The following KIZ variants were observed in gnomAD, a reference collection of about 807,000 sequenced individuals.
The protein encoded by KIZ is kizuna centrosomal protein, also known as centrosomal protein kizuna.
KIZ carries 68 observed loss-of-function variants against 79.6 expected under a neutral mutation model. That is an observed-to-expected ratio of 0.85 (90% CI 0.70 to 1.05). KIZ has a LOEUF of 1.05. KIZ is among the 50% of genes least tolerant of loss of function. The pLI is 0.00. For synonymous variants in KIZ, 280 were observed against 281.8 expected, an observed-to-expected ratio of 0.99 and a Z score of 0.06; for missense variants, 797 against 800.4, an observed-to-expected ratio of 1.00 and a Z score of 0.05.
intron 9 of KIZ, among the ~76,000 whole-genome samples, 156 bp from the exon 10 acceptor site, chr20:21,228,855 G>A (rs1414558682): frequency 6.6e-6 from 1 of 152,024 alleles, no homozygotes; most frequent in African/African-American, 2.4e-5. Context: ...CAACTAAATT[G>A]TTTTTTGTTT....
intron 6 of KIZ, 71 bp downstream of exon 6, chr20:21,163,230 G>C (rs2122707355): frequency 9.6e-7 from 1 of 1,039,208 alleles, no homozygotes; most frequent in Middle Eastern, 2.1e-4. Context: ...CCATTCCACT[G>C]GGAATGTATT....
intron 6 of KIZ, among the ~76,000 whole-genome samples, chr20:21,171,077 T>C (rs1361125883): frequency 6.6e-6 from 1 of 152,260 alleles, no homozygotes; most frequent in African/African-American, 2.4e-5. Context: ...AGAGTTCTTG[T>C]TCTACATCTT....
chr20:21,176,047 C>T (rs1439672332), intron 6 of KIZ, among the ~76,000 whole-genome samples: 1 of 152,032 alleles, frequency 6.6e-6, no homozygotes, highest in Admixed American at 6.6e-5. Flanking sequence ...CGGTGGCTCA[C>T]GCCTATAATC....
chr20:21,134,833 A>G (rs2032084105), intron 2 of KIZ, among the ~76,000 whole-genome samples: 2 of 151,514 alleles, frequency 1.3e-5, no homozygotes, highest in South Asian at 4.2e-4. Flanking sequence ...CACCCGGCTA[A>G]TTTTTGTATT....
intron 8 of KIZ, 70 bp from the exon 9 acceptor site, chr20:21,215,513 G>T (rs2036250109): frequency 1.2e-6 from 1 of 847,858 alleles, no homozygotes; most frequent in Non-Finnish European, 1.8e-6. Flanking sequence ...ATAAAGGGAA[G>T]GACAAACACC....
At chr20:21,203,249 G>A (rs760354679) in intron 6 of KIZ, among the ~76,000 whole-genome samples, 13 of 152,094 alleles carry the variant, frequency 8.5e-5, no homozygotes, top group Non-Finnish European at 1.8e-4. Context: ...TGGAGGAATT[G>A]GGTCACTTAC....
chr20:21,190,610 A>G (rs1032276030), intron 6 of KIZ, among the ~76,000 whole-genome samples: 1 of 152,306 alleles, frequency 6.6e-6, no homozygotes. Flanking sequence ...GCTTTGGTTC[A>G]TTAGTTATAT....
intron 9 of KIZ, chr20:21,218,482 A>G (rs1357154707): frequency 6.6e-6 from 1 of 152,218 alleles, no homozygotes. Context: ...ATTAATACAT[A>G]TTTTGTTGCC....
intron 7 of KIZ, among the ~76,000 whole-genome samples, chr20:21,213,343 T>G: frequency 6.6e-6 from 1 of 152,376 alleles, no homozygotes; most frequent in East Asian, 1.9e-4. Flanking sequence ...CCTTGTTTCA[T>G]GTTAATCACA....
At chr20:21,227,032 C>G (rs2036679064) in intron 9 of KIZ, among the ~76,000 whole-genome samples, 1 of 152,168 alleles carries the variant, frequency 6.6e-6, no homozygotes, top group Admixed American at 6.5e-5. Context: ...AAGTGTGGAG[C>G]ATAGAAAGGG....
At chr20:21,149,290 A>G (rs773320323) in intron 4 of KIZ, among the ~76,000 whole-genome samples, 93 of 152,320 alleles carry the variant, frequency 6.1e-4, no homozygotes, top group Non-Finnish European at 3.1e-4. Flanking sequence ...AAATAAAAAC[A>G]ACTTTAAATA....
intron 7 of KIZ, among the ~76,000 whole-genome samples, chr20:21,210,720 A>G (rs911519973): frequency 2.0e-5 from 3 of 152,014 alleles, no homozygotes; most frequent in African/African-American, 7.2e-5. Context: ...ATGGATGAAA[A>G]TAACATTTCT....
chr20:21,190,784 A>G (rs1282482603), intron 6 of KIZ, among the ~76,000 whole-genome samples: 1 of 152,250 alleles, frequency 6.6e-6, no homozygotes, highest in East Asian at 1.9e-4. Context: ...AGAACGTGAT[A>G]GTTTTAAAAG....
chr20:21,198,890 A>G (rs1267417166), intron 6 of KIZ: 2 of 152,548 alleles, frequency 1.3e-5, no homozygotes, highest in African/African-American at 2.4e-5. Context: ...ATAATCCTTT[A>G]CAACGTAGTG....
At chr20:21,166,141 ATT>A in intron 6 of KIZ, 2 of 909,870 alleles carry the variant, frequency 2.2e-6, no homozygotes, top group Non-Finnish European at 3.3e-6. Flanking sequence ...TAATTTTTGT[ATT>A]TTGTATTTTT....
At chr20:21,227,029 G>A (rs1352910073) in intron 9 of KIZ, among the ~76,000 whole-genome samples, 1 of 152,186 alleles carries the variant, frequency 6.6e-6, no homozygotes, top group Non-Finnish European at 1.5e-5. Flanking sequence ...GGAAAGTGTG[G>A]AGCATAGAAA....
intron 1 of KIZ, among the ~76,000 whole-genome samples, chr20:21,127,917 A>G (rs2031585649): frequency 6.6e-6 from 1 of 152,244 alleles, no homozygotes. Flanking sequence ...TAAAGTAAAA[A>G]AAGAAAAAAA....
intron 11 of KIZ, among the ~76,000 whole-genome samples, chr20:21,233,960 A>C (rs2036915136): frequency 6.6e-6 from 1 of 152,178 alleles, no homozygotes; most frequent in Non-Finnish European, 1.5e-5. Flanking sequence ...AAGAGTGTTA[A>C]AGTATTATGT....
Position 21,244,235 on chromosome 20 carries a change from T to C in KIZ, c.1881-10T>C. ...TTTTTCAGAACTTAGACTGTTTCTT[T>C]ATTTTGCAGGCATGAAAACAAAAAG... On this transcript the variant is annotated splice_polypyrimidine_tract_variant and intron_variant, in intron 11 of 12. Transcript: ENST00000619189. 6.3e-7 allele frequency: 1 copy of C among 1,580,554 alleles called. No individual in the cohort carries two copies. Among genetic ancestry groups the C allele is most frequent in the Non-Finnish European group, 8.7e-7 (1 of 1,150,030 alleles).
Sources: gnomAD v4.1 joint callset for allele counts (sites outside exome capture counted in the v4.1 genomes callset) on GRCh38, gnomAD v4.1.1 for gene constraint, MANE v1.5 for transcripts, NCBI Gene and HGNC (gene_info 2026-07-23, HGNC 2026-07-21) for gene names.